Variants in RBMS3 observed in about 807,000 individuals in gnomAD.
RBMS3 encodes the protein RNA-binding motif, single-stranded-interacting protein 3.
RBMS3 carries 27 observed loss-of-function variants against 66.8 expected under a neutral mutation model. That is an observed-to-expected ratio of 0.40 (90% CI 0.30 to 0.56). The LOEUF is 0.56. Among genes scored for constraint, RBMS3 ranks in the 20% least tolerant of loss-of-function variants. The pLI is 0.40. For synonymous variants in RBMS3, 188 were observed against 183.0 expected, an observed-to-expected ratio of 1.03 and a Z score of -0.22; for missense variants, 513 against 549.5, an observed-to-expected ratio of 0.93 and a Z score of 0.66.
chr3:29,425,478 A>G (rs1339010463), intron 1 of RBMS3, among the ~76,000 whole-genome samples: 1 of 112,276 alleles, frequency 8.9e-6, no homozygotes, highest in Non-Finnish European at 2.0e-5. Context: ...CTAAAAATAC[A>G]AAAAAAAAAA....
rs2059781850 is a variant in RBMS3, at chr3:29,883,346, C to T, written c.745-816C>T. Among the ~76,000 whole-genome samples the T allele has an allele frequency of 4.6e-5, 7 of 152,066 alleles. No homozygotes were observed. The South Asian group carries it at 1.2e-3, about 27-fold the overall frequency. Reference sequence around the variant, plus strand: ...GTGTGACCTTGAGCAAGTCACTTGACCTTTCCAAGCTTCAGTGTCTTCATC... The same window carrying T: ...GTGTGACCTTGAGCAAGTCACTTGATCTTTCCAAGCTTCAGTGTCTTCATC... On this transcript the variant is annotated intron_variant, in intron 7 of 14. Coordinates refer to ENST00000383767, the MANE Select transcript of RBMS3 (RefSeq NM_001003793.3).
At chr3:29,412,763 A>G (rs938627993) in intron 1 of RBMS3, among the ~76,000 whole-genome samples, 1 of 152,204 alleles carries the variant, frequency 6.6e-6, no homozygotes, top group Admixed American at 6.5e-5. Context: ...GTTTATCACC[A>G]GCAGGGACAT....
intron 12 of RBMS3, among the ~76,000 whole-genome samples, chr3:29,955,438 G>T (rs1695970287): frequency 6.6e-6 from 1 of 151,948 alleles, no homozygotes; most frequent in Non-Finnish European, 1.5e-5. Flanking sequence ...TCAGAACCTT[G>T]ACTAAGAGAA....
At chr3:29,816,092 G>A (rs72848015) in intron 6 of RBMS3, among the ~76,000 whole-genome samples, 89 of 152,166 alleles carry the variant, frequency 5.8e-4, no homozygotes, top group African/African-American at 2.1e-3. Flanking sequence ...GATGTATAGG[G>A]AGTATGGATT....
At chr3:29,688,829 C>A (rs1044860382) in intron 4 of RBMS3, among the ~76,000 whole-genome samples, 1 of 152,014 alleles carries the variant, frequency 6.6e-6, no homozygotes, top group Non-Finnish European at 1.5e-5. Flanking sequence ...GATCCACTCA[C>A]CTCAGCCTCC....
intron 3 of RBMS3, among the ~76,000 whole-genome samples, chr3:29,505,749 C>A (rs567320854): frequency 6.6e-6 from 1 of 151,250 alleles, no homozygotes; most frequent in South Asian, 2.1e-4. Flanking sequence ...TCTTCAATTT[C>A]TTTTATCAAT....
chr3:29,881,292 C>T (rs1168883367), intron 7 of RBMS3, among the ~76,000 whole-genome samples: 1 of 152,100 alleles, frequency 6.6e-6, no homozygotes, highest in East Asian at 1.9e-4. Flanking sequence ...ATCTGCACCC[C>T]ATCCATACCA....
At chr3:29,609,731 A>G (rs1055927785) in intron 4 of RBMS3, among the ~76,000 whole-genome samples, 5 of 151,970 alleles carry the variant, frequency 3.3e-5, no homozygotes, top group South Asian at 2.1e-4. Flanking sequence ...TGATTGAAAG[A>G]GGTTTGTAGA....
chr3:29,773,496 A>G (rs1404735178), intron 6 of RBMS3, among the ~76,000 whole-genome samples: 2 of 152,074 alleles, frequency 1.3e-5, no homozygotes, highest in African/African-American at 4.8e-5. Flanking sequence ...AGTGTGAGAC[A>G]CATTTTGGAC....
intron 1 of RBMS3, among the ~76,000 whole-genome samples, chr3:29,397,663 CT>C (rs1373849635): frequency 2.0e-5 from 3 of 152,138 alleles, no homozygotes; most frequent in Non-Finnish European, 4.4e-5. Flanking sequence ...TTATCCTCTT[CT>C]TCTTCAACTT....
intron 1 of RBMS3, among the ~76,000 whole-genome samples, chr3:29,391,838 AACTC>A (rs764189846): frequency 1.3e-5 from 2 of 152,196 alleles, no homozygotes; most frequent in Admixed American, 6.5e-5. Context: ...ATTTTTGTAA[AACTC>A]AATACAGAAA....
At chr3:29,343,121 GT>G in intron 1 of RBMS3, among the ~76,000 whole-genome samples, 1 of 152,222 alleles carries the variant, frequency 6.6e-6, no homozygotes, top group African/African-American at 2.4e-5. Flanking sequence ...TATCCATATT[GT>G]TGATCTAATG....
chr3:29,662,777 T>C (rs1477675204), intron 4 of RBMS3, among the ~76,000 whole-genome samples: 1 of 152,198 alleles, frequency 6.6e-6, no homozygotes, highest in Non-Finnish European at 1.5e-5. Context: ...GTATAGACAT[T>C]TCAAGAAGAA....
chr3:29,450,900 GAT>G (rs1559371501), intron 2 of RBMS3, among the ~76,000 whole-genome samples: 4 of 114,248 alleles, frequency 3.5e-5, no homozygotes, highest in African/African-American at 1.1e-4. Context: ...TCAACACACA[GAT>G]ACACACACAC....
At chr3:29,503,296 A>G (rs541568724) in intron 3 of RBMS3, among the ~76,000 whole-genome samples, 5 of 151,872 alleles carry the variant, frequency 3.3e-5, no homozygotes, top group African/African-American at 1.2e-4. Context: ...GTAGTTTCCT[A>G]TTGTCTCAAG....
At chr3:29,790,333 G>C (rs968498499) in intron 6 of RBMS3, among the ~76,000 whole-genome samples, 1 of 152,130 alleles carries the variant, frequency 6.6e-6, no homozygotes, top group Non-Finnish European at 1.5e-5. Context: ...ACTCAATTTT[G>C]TGAGGCGTCT....
intron 4 of RBMS3, among the ~76,000 whole-genome samples, chr3:29,598,610 T>C (rs1174753334): frequency 4.6e-5 from 7 of 152,002 alleles, no homozygotes; most frequent in African/African-American, 1.7e-4. Flanking sequence ...ATCAACCATA[T>C]CATATTGTCA....
intron 6 of RBMS3, among the ~76,000 whole-genome samples, chr3:29,850,238 G>C (rs2149517668): frequency 6.6e-6 from 1 of 152,240 alleles, no homozygotes; most frequent in South Asian, 2.1e-4. Flanking sequence ...ACTTCTTGCT[G>C]TTCTGTTAGT....
At chr3:29,434,173 G>A (rs1288779961) in intron 1 of RBMS3, among the ~76,000 whole-genome samples, 2 of 152,158 alleles carry the variant, frequency 1.3e-5, no homozygotes, top group East Asian at 1.9e-4. Flanking sequence ...GTAAAGAAAC[G>A]ATTTTGGGAA....
Sources: gnomAD v4.1 joint callset for allele counts (sites outside exome capture counted in the v4.1 genomes callset) on GRCh38, gnomAD v4.1.1 for gene constraint, MANE v1.5 for transcripts, NCBI Gene and HGNC (gene_info 2026-07-23, HGNC 2026-07-21) for gene names.